DENND4C: variants seen among roughly 807,000 people sequenced by gnomAD.
DENND4C encodes DENN domain-containing protein 4C.
A neutral mutation model predicts 203.0 loss-of-function variants in DENND4C; 108 were observed. The observed-to-expected ratio is 0.53, with a 90% CI of 0.46 to 0.62. DENND4C has a LOEUF of 0.62. DENND4C is among the 20% of genes least tolerant of loss of function. The pLI is 0.00. For missense variants in DENND4C, 2,481 were observed against 2,301.2 expected (o/e 1.08, Z -1.60); for synonymous variants, 871 against 792.4 (o/e 1.10, Z -1.67).
chr9:19,369,776 AAAAT>A, intron 30 of DENND4C, 57 bp from the exon 31 acceptor site: 4 of 1,034,502 alleles, frequency 3.9e-6, no homozygotes, highest in South Asian at 4.2e-5. Context: ...CAAAAAAAAA[AAAAT>A]AATAATAATA....
chr9:19,339,373 T>G (rs1287920763), intron 20 of DENND4C, among the ~76,000 whole-genome samples: 1 of 152,138 alleles, frequency 6.6e-6, no homozygotes, highest in Non-Finnish European at 1.5e-5. Context: ...TTCTTTAGCC[T>G]TTAAAAAATC....
chr9:19,320,792 C>A (rs1842754408), intron 12 of DENND4C, among the ~76,000 whole-genome samples: 1 of 152,212 alleles, frequency 6.6e-6, no homozygotes, highest in Non-Finnish European at 1.5e-5. Context: ...TTGTAGTTCA[C>A]CCATCAGCCT....
rs893924115 is a variant in DENND4C, at chr9:19,358,567, A to G, written c.5160+407A>G. The stretch of plus-strand genomic sequence containing the variant: ...AAAAAAAACCCCAAATAATAGTATC[A>G]AGTTATTTAGTCTGTTCAAATTTCT... On this transcript the variant is annotated intron_variant, in intron 28 of 32. Coordinates refer to ENST00000434457, the MANE Select transcript of DENND4C (RefSeq NM_001330640.2). The surrounding 1 kb of genome is among the most constrained non-coding windows in gnomAD (Gnocchi z 4.8). Among the ~76,000 whole-genome samples the G allele has an allele frequency of 6.6e-6, 1 of 151,052 alleles. No homozygotes were observed. Among genetic ancestry groups the G allele is most frequent in the African/African-American group, 2.5e-5 (1 of 40,366 alleles).
chr9:19,369,829 A>T lies in DENND4C; in HGVS notation c.5525-8A>T. ...TTGAAAAAAAACTTACTGTGTTCTT[A>T]TTGTTAGATTCTGAAAAGAAATCAT... is the stretch of plus-strand genomic sequence containing the variant. On this transcript the variant is annotated splice_polypyrimidine_tract_variant and splice_region_variant and intron_variant, in intron 30 of 32. Coordinates refer to ENST00000434457, the MANE Select transcript of DENND4C (RefSeq NM_001330640.2). 2 of 1,546,320 alleles carry T rather than the reference A, an allele frequency of 1.3e-6. No individual in the cohort carries two copies. Among genetic ancestry groups the T allele is most frequent in the Non-Finnish European group, 1.7e-6 (2 of 1,151,494 alleles).
chr9:19,332,517 ATT>A (rs11310338), intron 17 of DENND4C, among the ~76,000 whole-genome samples: 36,034 of 130,248 alleles, frequency 0.28, 4,128 homozygotes, highest in East Asian at 0.4. Flanking sequence ...TACCTGGCTA[ATT>A]TTTTTTTTTT....
At chr9:19,343,253 G>T (rs1822066949) in intron 22 of DENND4C, among the ~76,000 whole-genome samples, 1 of 152,120 alleles carries the variant, frequency 6.6e-6, no homozygotes, top group South Asian at 2.1e-4. Flanking sequence ...GGTACCCCAA[G>T]CCATTTTTTA....
intron 1 of DENND4C, among the ~76,000 whole-genome samples, chr9:19,251,784 T>C (rs528806834): frequency 1.1e-4 from 17 of 152,208 alleles, no homozygotes; most frequent in Non-Finnish European, 2.4e-4. Flanking sequence ...GAGTCACCTT[T>C]GCTCCAGTTT....
chr9:19,361,983 A>G lies in DENND4C; in HGVS notation c.5524+20A>G. On this transcript the variant is annotated intron_variant, in intron 30 of 32. Coordinates refer to ENST00000434457, the MANE Select transcript of DENND4C (RefSeq NM_001330640.2). ...ATTTTAGTAAGTAAAATAGAATTAAAGACATAACAGCCAGGTGCAGTGGCT... is the reference window on the plus strand; with the variant it reads ...ATTTTAGTAAGTAAAATAGAATTAAGGACATAACAGCCAGGTGCAGTGGCT... 2 of 1,469,782 alleles carry G rather than the reference A, an allele frequency of 1.4e-6. No individual in the cohort carries two copies. The highest frequency in any genetic ancestry group is 1.9e-6 in the Non-Finnish European group (2 of 1,051,046). The allele number at this position is 1,469,782 out of a possible 1,614,324, so 91.0% of individuals were successfully genotyped here. A position where few individuals can be genotyped will look rare whatever the true frequency, so the allele number is the denominator to read the frequency against.
chr9:19,362,538 T>TA (rs11320093), intron 30 of DENND4C, among the ~76,000 whole-genome samples: 1,798 of 150,128 alleles, frequency 0.012, 27 homozygotes, highest in African/African-American at 0.042. Context: ...GATTTGCTGT[T>TA]AAAAAAAAAA....
At chr9:19,316,146 A>T (rs1029556472) in intron 10 of DENND4C, among the ~76,000 whole-genome samples, 1 of 152,198 alleles carries the variant, frequency 6.6e-6, no homozygotes, top group African/African-American at 2.4e-5. Context: ...TCTAAAATGT[A>T]ACTTTTGAAT....
At chr9:19,344,939 T>C (rs563422106) in intron 22 of DENND4C, among the ~76,000 whole-genome samples, 4 of 152,314 alleles carry the variant, frequency 2.6e-5, no homozygotes, top group Non-Finnish European at 5.9e-5. Flanking sequence ...GCTAACTTAT[T>C]GTATCCTCGT....
intron 10 of DENND4C, among the ~76,000 whole-genome samples, chr9:19,315,155 C>CAAAAAA (rs10623955): frequency 1.4e-4 from 17 of 119,334 alleles, no homozygotes; most frequent in Middle Eastern, 4.2e-3. Flanking sequence ...GACTCCGTCT[C>CAAAAAA]AAAAAAAAAA....
intron 9 of DENND4C, among the ~76,000 whole-genome samples, chr9:19,304,842 C>A (rs1256822391): frequency 1.3e-5 from 2 of 151,848 alleles, no homozygotes; most frequent in Non-Finnish European, 2.9e-5. Context: ...AGCCACCGCG[C>A]CCGGCCATGA....
chr9:19,341,635 G>T (rs1428683362), intron 21 of DENND4C, among the ~76,000 whole-genome samples: 1 of 151,964 alleles, frequency 6.6e-6, no homozygotes, highest in African/African-American at 2.4e-5. Flanking sequence ...AGACTCTGTA[G>T]GTCAGCCCAT....
chr9:19,325,469 G>C (rs1843571205), intron 13 of DENND4C, among the ~76,000 whole-genome samples: 2 of 151,988 alleles, frequency 1.3e-5, no homozygotes, highest in South Asian at 4.1e-4. Context: ...TAATTTTTAT[G>C]GCCCCCTCAT....
At chr9:19,242,738 C>T (rs942723960) in intron 1 of DENND4C, among the ~76,000 whole-genome samples, 3 of 152,016 alleles carry the variant, frequency 2.0e-5, no homozygotes, top group African/African-American at 4.8e-5. Context: ...TCACTGCAAC[C>T]TCTGCCTCCT....
At position 19,352,139 on chromosome 9, in the gene DENND4C, A is replaced by G; in HGVS notation, c.4562A>G (p.Gln1521Arg). ...DFEKSDHGSSQNTSMSSIYQN... is the reference protein window; with the variant it reads ...DFEKSDHGSSRNTSMSSIYQN... Reference sequence around the variant, plus strand: ...GAAAAATCAGATCATGGTTCTTCTCAAAATACCAGCATGTCTAGCATCTAT... The same window carrying G: ...GAAAAATCAGATCATGGTTCTTCTCGAAATACCAGCATGTCTAGCATCTAT... The change falls in exon 25 of 33, where the codon CAA (glutamine) becomes CGA (arginine). Residue 1521 changes from glutamine to arginine, a missense_variant. Physicochemically the swap from Gln to Arg is conservative, Grantham distance 43. Coordinates refer to ENST00000434457, the MANE Select transcript of DENND4C (RefSeq NM_001330640.2). The G allele has an allele frequency of 6.2e-7, 1 of 1,613,970 alleles. No individual in the cohort carries two copies. Among genetic ancestry groups the G allele is most frequent in the South Asian group, 1.1e-5 (1 of 91,076 alleles).
intron 10 of DENND4C, among the ~76,000 whole-genome samples, chr9:19,315,336 T>C (rs1253872131): frequency 6.6e-6 from 1 of 151,902 alleles, no homozygotes; most frequent in African/African-American, 2.4e-5. Flanking sequence ...GGCCTTGGTG[T>C]TACTCTGGGT....
chr9:19,332,146 A>G lies in DENND4C; in HGVS notation c.2422A>G (p.Ile808Val). 2 of 1,614,026 alleles carry G rather than the reference A, an allele frequency of 1.2e-6. No homozygotes were observed. The highest frequency in any genetic ancestry group is 1.7e-6 in the Non-Finnish European group (2 of 1,179,946). ...ACTTCAGCAGGCATATGATGTACTT[A>G]TTAAGATGAGGAAAACAGATGTGGA... ...RALQQAYDVLIKMRKTDVDPL... is the reference protein window; with the variant it reads ...RALQQAYDVLVKMRKTDVDPL... Residue 808 changes from isoleucine (I) to valine (V), a missense_variant, in exon 17 of 33, where the codon ATT becomes GTT. By Grantham distance (29) the Ile-to-Val change is conservative. Transcript: ENST00000434457.
Sources: allele counts gnomAD v4.1 joint callset (sites outside exome capture counted in the v4.1 genomes callset), GRCh38; gene constraint gnomAD v4.1.1; non-coding constraint Gnocchi (gnomAD v3.1); transcripts MANE v1.5; gene names NCBI Gene and HGNC (gene_info 2026-07-23, HGNC 2026-07-21).